Variants in TRAPPC9 observed in about 807,000 individuals in gnomAD.
The protein encoded by TRAPPC9 is trafficking protein particle complex subunit 9, also known as IKK2 binding protein.
Under a neutral mutation model 124.0 loss-of-function variants are expected in TRAPPC9, and 83 were observed. The ratio of observed to expected loss-of-function variants is 0.67; its 90% confidence interval spans 0.56 to 0.80. The LOEUF (loss-of-function observed/expected upper bound fraction) is 0.80, where lower values mean the gene tolerates loss of function less well. TRAPPC9 is among the 30% of genes least tolerant of loss of function. The probability of loss-of-function intolerance (pLI) is 0.00; values close to 1 mark genes in which losing one functional copy is unlikely to be tolerated. For synonymous variants in TRAPPC9, 638 were observed against 617.5 expected (o/e 1.03, Z -0.49); for missense variants, 1,302 against 1,508.3 (o/e 0.86, Z 2.27).
At position 139,831,894 on chromosome 8, in the gene TRAPPC9, C is replaced by T. The variant is rs527999122; in HGVS notation, c.3055+53985G>A. 1.2e-4 allele frequency among the ~76,000 whole-genome samples: 18 copies of T among 152,340 alleles called. No homozygotes were observed. The South Asian group carries it at 2.3e-3, about 19-fold the overall frequency. ...CTCCGTGCTCTTTCCACAGTGCTTC[C>T]GCCCACTCCGTCACGTTGCCTTGAG... On this transcript the variant is annotated intron_variant, in intron 21 of 22. Coordinates refer to ENST00000438773, the MANE Select transcript of TRAPPC9 (RefSeq NM_001160372.4).
chr8:139,754,196 G>A (rs1819544354), intron 21 of TRAPPC9, among the ~76,000 whole-genome samples: 1 of 152,166 alleles, frequency 6.6e-6, no homozygotes. Flanking sequence ...CAAGGAGCCT[G>A]GCCCTCTCCA....
intron 21 of TRAPPC9, among the ~76,000 whole-genome samples, chr8:139,838,253 C>G (rs10101226): frequency 0.17 from 25,980 of 152,208 alleles, 2,611 homozygotes; most frequent in East Asian, 0.45. Context: ...CCCCTGCCCC[C>G]TGTGCTGGGC....
intron 19 of TRAPPC9, among the ~76,000 whole-genome samples, chr8:139,925,821 G>GCACACA (rs745416331): frequency 7.5e-5 from 11 of 145,984 alleles, no homozygotes; most frequent in African/African-American, 2.6e-4. Context: ...ACACGCACAC[G>GCACACA]CACACGCACA....
intron 9 of TRAPPC9, among the ~76,000 whole-genome samples, chr8:140,348,585 A>T (rs2132102547): frequency 6.6e-6 from 1 of 152,336 alleles, no homozygotes; most frequent in South Asian, 2.1e-4. Flanking sequence ...AACAGTACCA[A>T]AAACAACCTG....
chr8:139,968,539 G>A (rs1412152768), intron 19 of TRAPPC9, among the ~76,000 whole-genome samples: 1 of 152,210 alleles, frequency 6.6e-6, no homozygotes, highest in Non-Finnish European at 1.5e-5. Context: ...AGGGATACGT[G>A]CATTCACAAA....
At chr8:140,090,316 C>A (rs1302882247) in intron 17 of TRAPPC9, among the ~76,000 whole-genome samples, 3 of 152,106 alleles carry the variant, frequency 2.0e-5, no homozygotes, top group Admixed American at 2.0e-4. Context: ...CACTGCCTCC[C>A]GCCCCATGAG....
intron 17 of TRAPPC9, among the ~76,000 whole-genome samples, chr8:140,119,074 G>A (rs2060939642): frequency 6.6e-6 from 1 of 152,228 alleles, no homozygotes. Context: ...AGCATCTGCA[G>A]GAGACCCAGG....
At chr8:139,946,359 G>A (rs533056216) in intron 19 of TRAPPC9, among the ~76,000 whole-genome samples, 5 of 152,320 alleles carry the variant, frequency 3.3e-5, no homozygotes, top group African/African-American at 4.8e-5. Context: ...AATGGATTCC[G>A]TAAGAACGAG....
chr8:140,001,539 A>G (rs4358783), intron 18 of TRAPPC9, among the ~76,000 whole-genome samples: 52,966 of 152,072 alleles, frequency 0.35, 11,023 homozygotes, highest in East Asian at 0.52. Context: ...TAAAAAGATC[A>G]ATGTAATTGA....
Position 139,730,833 on chromosome 8 carries a change from G to T in TRAPPC9, c.*228C>A. The T allele has an allele frequency of 3.4e-6, 2 of 585,746 alleles. No homozygotes were observed. The highest frequency in any genetic ancestry group is 4.0e-5 in the South Asian group (2 of 50,172). 36.3% of individuals were successfully genotyped at this position (585,746 alleles called of 1,614,324 possible). A position where few individuals can be genotyped will look rare whatever the true frequency, so the allele number is the denominator to read the frequency against. On this transcript the variant is annotated 3_prime_UTR_variant, in exon 23 of 23. Transcript: ENST00000438773. ...TCTGCTTCAGCCTGTGTATGGTCCAGGGAACAGTGTAGGAAGGGGCGTGGC... is the reference window on the plus strand; with the variant it reads ...TCTGCTTCAGCCTGTGTATGGTCCATGGAACAGTGTAGGAAGGGGCGTGGC...
chr8:140,096,810 C>G (rs905009932), intron 17 of TRAPPC9: 1 of 152,066 alleles, frequency 6.6e-6, no homozygotes, highest in Non-Finnish European at 1.5e-5. Context: ...ATACTGACAG[C>G]CACGAGCGTG....
chr8:139,936,712 G>T (rs1018370627), intron 19 of TRAPPC9, among the ~76,000 whole-genome samples: 1 of 151,958 alleles, frequency 6.6e-6, no homozygotes, highest in Non-Finnish European at 1.5e-5. Context: ...AGTGGGGAGT[G>T]GGGACTGCAG....
At chr8:140,450,323 T>C (rs926190356) in intron 2 of TRAPPC9, among the ~76,000 whole-genome samples, 2 of 152,136 alleles carry the variant, frequency 1.3e-5, no homozygotes, top group Non-Finnish European at 2.9e-5. Context: ...ATCGCGCCAC[T>C]GCACTCCAGC....
At chr8:140,001,358 T>G (rs1236055324) in intron 18 of TRAPPC9, among the ~76,000 whole-genome samples, 1 of 151,400 alleles carries the variant, frequency 6.6e-6, no homozygotes, top group African/African-American at 2.4e-5. Flanking sequence ...CTGCACATTG[T>G]GCACATGTAC....
At chr8:139,997,028 T>C (rs1386805383) in intron 18 of TRAPPC9, among the ~76,000 whole-genome samples, 2 of 152,168 alleles carry the variant, frequency 1.3e-5, no homozygotes, top group Admixed American at 6.5e-5. Flanking sequence ...ATTACAGGCG[T>C]GAGCCATCAC....
At chr8:140,015,845 A>G (rs1468656653) in intron 18 of TRAPPC9, among the ~76,000 whole-genome samples, 1 of 152,192 alleles carries the variant, frequency 6.6e-6, no homozygotes, top group Non-Finnish European at 1.5e-5. Context: ...CCTTTTATAC[A>G]AAAGAAACAC....
At chr8:140,108,119 T>C (rs1162859750) in intron 17 of TRAPPC9, among the ~76,000 whole-genome samples, 1 of 58,904 alleles carries the variant, frequency 1.7e-5, no homozygotes, top group Non-Finnish European at 3.4e-5. Flanking sequence ...GGAGAAGGGG[T>C]GGGGGCGGGG....
At chr8:140,275,390 G>A (rs541755675) in intron 15 of TRAPPC9, among the ~76,000 whole-genome samples, 12 of 152,292 alleles carry the variant, frequency 7.9e-5, no homozygotes, top group Non-Finnish European at 1.5e-4. Context: ...AAGGGCACTG[G>A]GGGTACAGAG....
At chr8:139,760,422 C>T (rs1329191487) in intron 21 of TRAPPC9, among the ~76,000 whole-genome samples, 2 of 152,140 alleles carry the variant, frequency 1.3e-5, no homozygotes, top group African/African-American at 2.4e-5. Context: ...AGAAAGTGAC[C>T]GCACGCTCAG....
Sources: gnomAD v4.1 joint callset for allele counts (sites outside exome capture counted in the v4.1 genomes callset) on GRCh38, gnomAD v4.1.1 for gene constraint, MANE v1.5 for transcripts, NCBI Gene and HGNC (gene_info 2026-07-23, HGNC 2026-07-21) for gene names.